The following CDH23 variants were observed in gnomAD, a reference collection of about 807,000 sequenced individuals.
CDH23 encodes the protein cadherin related 23.
In CDH23, 189 loss-of-function variants were observed where a neutral mutation model predicts 317.1. That is an observed-to-expected ratio of 0.60 (90% CI 0.53 to 0.67). The LOEUF (loss-of-function observed/expected upper bound fraction) is 0.67. Ranked by LOEUF, CDH23 falls within the 30% of genes least tolerant of loss-of-function variation. The pLI is 0.00. For synonymous variants in CDH23, 1,839 were observed against 1,876.8 expected, an observed-to-expected ratio of 0.98 and a Z score of 0.52; for missense variants, 4,401 against 4,592.4, an observed-to-expected ratio of 0.96 and a Z score of 1.20.
Position 71,760,110 on chromosome 10 carries a change from C to CAT in CDH23, c.4846-17565_4846-17564dup, listed in dbSNP as rs1178057567. ...ACACATATACACACACACATACATACATATATGTGTGTATATATATGTATA... is the reference window on the plus strand; with the variant it reads ...ACACATATACACACACACATACATACATATATATGTGTGTATATATATGTATA... On this transcript the variant is annotated intron_variant, in intron 38 of 69. Coordinates refer to ENST00000224721, the MANE Select transcript of CDH23 (RefSeq NM_022124.6). Among the ~76,000 whole-genome samples the CAT allele has an allele frequency of 3.0e-4, 32 of 107,662 alleles. 9 individuals are homozygous for CAT. Among genetic ancestry groups the CAT allele is most frequent in the African/African-American group, 9.6e-4 (32 of 33,392 alleles). 70.6% of individuals were successfully genotyped at this position (107,662 alleles called of 152,430 possible).
At chr10:71,405,737 C>T (rs1848067682) in intron 1 of CDH23, among the ~76,000 whole-genome samples, 1 of 152,150 alleles carries the variant, frequency 6.6e-6, no homozygotes, top group African/African-American at 2.4e-5. Context: ...CGTGCCCAGC[C>T]ACGGATGGAC....
rs1305988371 is a variant in CDH23 at position 71,806,205 on chromosome 10, C to T, written c.8102C>T (p.Pro2701Leu). ...GCCAGCGACCTGGGCCAGCCAGTGC[C>T]ATACGAGACTATGCAGCCGCTGCAG... ...LVASDLGQPV[P>L]YETMQPLQVA... is the part of the protein sequence containing the mutation. The change falls in exon 57 of 70, where the codon CCA (proline) becomes CTA (leucine). Residue 2701 changes from proline (P) to leucine (L), a missense_variant. Physicochemically the swap from Pro to Leu is moderately conservative, Grantham distance 98. Around this residue, in one of 3 missense-constraint regions of CDH23, gnomAD observed 1,144 missense variants for 1,138.2 expected, o/e 1.01. Transcript: ENST00000224721. The T allele has an allele frequency of 2.5e-6, 4 of 1,578,110 alleles. No homozygotes were observed. Among genetic ancestry groups the T allele is most frequent in the Non-Finnish European group, 8.6e-7 (1 of 1,162,226 alleles).
chr10:71,397,268 A>G lies in CDH23; in HGVS notation c.-56A>G. 5.6e-6 allele frequency: 1 copy of G among 177,244 alleles called. No individual in the cohort carries two copies. The highest frequency in any genetic ancestry group is 1.2e-5 in the Non-Finnish European group (1 of 85,734). The allele number at this position is 177,244 out of a possible 1,614,324, so 11.0% of individuals were successfully genotyped here. On this transcript the variant is annotated 5_prime_UTR_variant, in exon 1 of 70. Coordinates refer to ENST00000224721, the MANE Select transcript of CDH23 (RefSeq NM_022124.6). The surrounding 1 kb of genome is among the most constrained non-coding windows in gnomAD (Gnocchi z 4.8). ...GCCCGCGGGGGCCGATCCGGCGGAG[A>G]GCAGAGCCCGAGGCGAGGCGAGGCG...
rs751586425 is a variant in CDH23 at position 71,785,586 on chromosome 10, G to A, written c.5713-45G>A. 4.7e-6 allele frequency: 6 copies of A among 1,275,146 alleles called. No individual in the cohort carries two copies. The South Asian group carries it at 6.3e-5, about 13-fold the overall frequency. 79.0% of individuals were successfully genotyped at this position (1,275,146 alleles called of 1,614,324 possible). ...TGGCATCTGTGGGCCAAAGTAGAAA[G>A]CAGGGAAAAGGTCTCCATGCAGCTC... On this transcript the variant is annotated intron_variant, in intron 43 of 69. Transcript: ENST00000224721.
chr10:71,701,884 C>T, intron 22 of CDH23, 138 bp from the exon 23 acceptor site: 5 of 848,832 alleles, frequency 5.9e-6, no homozygotes, highest in Non-Finnish European at 9.2e-6. Flanking sequence ...CCGGGCCCAG[C>T]GGGGATGCCC....
chr10:71,734,114 GAC>G, intron 32 of CDH23, 124 bp from the exon 33 acceptor site: 1 of 780,638 alleles, frequency 1.3e-6, no homozygotes, highest in South Asian at 1.5e-5. Context: ...GAATTCAACA[GAC>G]AGAGTGTCCT....
chr10:71,647,918 C>A (rs1161051917), intron 14 of CDH23: 1 of 152,152 alleles, frequency 6.6e-6, no homozygotes, highest in Admixed American at 6.5e-5. Flanking sequence ...ATTGCTTTCT[C>A]CTCCTTGCAC....
In CDH23 at chr10:71,751,020, G is replaced by A. The variant is rs899179361; in HGVS notation, c.4845+9099G>A. 4 of 509,674 alleles carry A rather than the reference G, an allele frequency of 7.8e-6. No homozygotes were observed. The highest frequency in any genetic ancestry group is 1.4e-5 in the Non-Finnish European group (4 of 284,116). The allele number at this position is 509,674 out of a possible 1,614,324, so 31.6% of individuals were successfully genotyped here. A position where few individuals can be genotyped will look rare whatever the true frequency, so the allele number is the denominator to read the frequency against. The stretch of plus-strand genomic sequence containing the variant: ...TAGCTGGTGAATTTCAGGTCTCTAG[G>A]GGAGAATCTCAGCACCCCAAAATCC... On this transcript the variant is annotated intron_variant, in intron 38 of 69. Coordinates refer to ENST00000224721, the MANE Select transcript of CDH23 (RefSeq NM_022124.6). The surrounding 1 kb of genome is among the most constrained non-coding windows in gnomAD (Gnocchi z 4.9).
intron 14 of CDH23, among the ~76,000 whole-genome samples, chr10:71,674,060 C>T (rs565164940): frequency 9.8e-5 from 15 of 152,330 alleles, no homozygotes; most frequent in Middle Eastern, 3.4e-3. Context: ...ACACAAGAGG[C>T]AGCCCTATAC....
At position 71,778,322 on chromosome 10, in the gene CDH23, A is replaced by G; in HGVS notation, c.5187+14A>G. 6.2e-7 allele frequency: 1 copy of G among 1,613,704 alleles called. No individual in the cohort carries two copies. Among genetic ancestry groups the G allele is most frequent in the Non-Finnish European group, 8.5e-7 (1 of 1,179,722 alleles). Reference sequence around the variant, plus strand: ...TCTACCACCACGGTGGGTGCATGGGACACAGCCCCAACTTGGGCTTGGAGG... The same window carrying G: ...TCTACCACCACGGTGGGTGCATGGGGCACAGCCCCAACTTGGGCTTGGAGG... On this transcript the variant is annotated intron_variant, in intron 40 of 69. Coordinates refer to ENST00000224721, the MANE Select transcript of CDH23 (RefSeq NM_022124.6).
At chr10:71,506,243 G>A (rs1853629011) in intron 3 of CDH23, among the ~76,000 whole-genome samples, 1 of 152,162 alleles carries the variant, frequency 6.6e-6, no homozygotes, top group African/African-American at 2.4e-5. Flanking sequence ...GGGATTCATG[G>A]GGAGTGACTG....
chr10:71,675,062 A>G, intron 14 of CDH23, 50 bp from the exon 15 acceptor site: 1 of 1,553,504 alleles, frequency 6.4e-7, no homozygotes, highest in African/African-American at 1.4e-5. Flanking sequence ...TGTGGACCTG[A>G]AGCCTCAGCT....
intron 1 of CDH23, among the ~76,000 whole-genome samples, chr10:71,402,978 C>T (rs532927209): frequency 1.9e-4 from 29 of 152,046 alleles, no homozygotes; most frequent in African/African-American, 6.3e-4. Flanking sequence ...AAAAATTAGC[C>T]GAGCGTGGTG....
At chr10:71,467,048 T>C (rs969627793) in intron 3 of CDH23, among the ~76,000 whole-genome samples, 4 of 152,128 alleles carry the variant, frequency 2.6e-5, no homozygotes, top group Non-Finnish European at 1.5e-5. Context: ...ATTGCCTCTA[T>C]TTTCTTTGTG....
intron 47 of CDH23, among the ~76,000 whole-genome samples, chr10:71,791,579 C>CT (rs536597476): frequency 0.015 from 2,121 of 144,474 alleles, 39 homozygotes; most frequent in East Asian, 0.081. Flanking sequence ...CTTTTCTTTT[C>CT]TTTTTTTTTT....
chr10:71,812,315 T>C, intron 66 of CDH23, 165 bp from the exon 67 acceptor site: 1 of 1,598,780 alleles, frequency 6.3e-7, no homozygotes, highest in Non-Finnish European at 8.5e-7. Flanking sequence ...TCCAGCAGGA[T>C]CCTATGGTGG....
chr10:71,540,049 C>T (rs1392438600), intron 6 of CDH23, among the ~76,000 whole-genome samples: 8 of 152,290 alleles, frequency 5.3e-5, no homozygotes, highest in African/African-American at 2.4e-5. Context: ...AACAGGACCC[C>T]GCTAGTGTGC....
intron 38 of CDH23, among the ~76,000 whole-genome samples, chr10:71,767,152 G>A (rs2132902484): frequency 6.6e-6 from 1 of 152,362 alleles, no homozygotes; most frequent in South Asian, 2.1e-4. Flanking sequence ...AGGGAAAGGA[G>A]CTCTTGTTGG....
At chr10:71,737,770 G>A (rs1007211997) in intron 34 of CDH23, 1 of 469,996 alleles carries the variant, frequency 2.1e-6, no homozygotes, top group African/African-American at 2.0e-5. Flanking sequence ...CCGTGGACTG[G>A]AGGCCTCACC....
Sources: allele counts gnomAD v4.1 joint callset (sites outside exome capture counted in the v4.1 genomes callset), GRCh38; gene constraint gnomAD v4.1.1; regional missense constraint gnomAD v4.1.1; non-coding constraint Gnocchi (gnomAD v3.1); transcripts MANE v1.5; gene names NCBI Gene and HGNC (gene_info 2026-07-23, HGNC 2026-07-21).